Variants in PPP6R3 observed in about 807,000 individuals in gnomAD.
PPP6R3 encodes the protein serine/threonine-protein phosphatase 6 regulatory subunit 3.
In PPP6R3, 38 loss-of-function variants were observed where a neutral mutation model predicts 110.7. The ratio of observed to expected loss-of-function variants is 0.34; its 90% CI spans 0.26 to 0.45. PPP6R3 has a LOEUF of 0.45. Among genes scored for constraint, PPP6R3 ranks in the 20% least tolerant of loss-of-function variants. PPP6R3 has a pLI of 1.00. For missense variants in PPP6R3, 870 were observed against 1,062.4 expected, an observed-to-expected ratio of 0.82 and a Z score of 2.52; for synonymous variants, 369 against 373.5, an observed-to-expected ratio of 0.99 and a Z score of 0.14.
chr11:68,493,946 C>CA (rs2098999589), intron 1 of PPP6R3, among the ~76,000 whole-genome samples: 1 of 150,366 alleles, frequency 6.7e-6, no homozygotes, highest in Non-Finnish European at 1.5e-5. Flanking sequence ...ACTAAAAATA[C>CA]AAAAAAATTA....
chr11:68,568,532 A>G (rs1352170758), intron 10 of PPP6R3, among the ~76,000 whole-genome samples: 4 of 152,128 alleles, frequency 2.6e-5, no homozygotes, highest in African/African-American at 4.8e-5. Context: ...TTGTAATGCT[A>G]TTACCTTTTC....
intron 7 of PPP6R3, among the ~76,000 whole-genome samples, chr11:68,555,800 A>C (rs1194416956): frequency 6.6e-6 from 1 of 152,258 alleles, no homozygotes; most frequent in African/African-American, 2.4e-5. Flanking sequence ...AAATACATGG[A>C]CCTGATGAAT....
At chr11:68,528,250 A>G (rs543567446) in intron 2 of PPP6R3, among the ~76,000 whole-genome samples, 2 of 152,302 alleles carry the variant, frequency 1.3e-5, no homozygotes, top group South Asian at 2.1e-4. Context: ...AGCAGTTTCA[A>G]GTTGAAACTG....
chr11:68,588,132 G>A (rs1429784623), intron 16 of PPP6R3, 108 bp downstream of exon 16: 1 of 955,614 alleles, frequency 1.0e-6, no homozygotes, highest in East Asian at 2.4e-5. Flanking sequence ...TGAGTGGGAG[G>A]AACCTGCTCT....
chr11:68,468,725 G>T (rs1225618591), intron 1 of PPP6R3, among the ~76,000 whole-genome samples: 2 of 152,156 alleles, frequency 1.3e-5, no homozygotes, highest in South Asian at 2.1e-4. Flanking sequence ...TCCAAATTTG[G>T]AGTATGTTAT....
intron 10 of PPP6R3, among the ~76,000 whole-genome samples, 157 bp downstream of exon 10, chr11:68,567,323 A>G (rs1306799906): frequency 1.3e-5 from 2 of 152,208 alleles, no homozygotes; most frequent in South Asian, 4.1e-4. Flanking sequence ...AGTTTATTAT[A>G]AATTTCGAAT....
chr11:68,542,746 T>A (rs1268739959), intron 3 of PPP6R3, among the ~76,000 whole-genome samples: 1 of 152,212 alleles, frequency 6.6e-6, no homozygotes, highest in East Asian at 1.9e-4. Flanking sequence ...AGCCCCAGCC[T>A]GTCTGGAACC....
rs376684893 is a variant in PPP6R3, at chr11:68,537,791, A to C, written c.127A>C (p.Lys43Gln). 1 of 1,613,976 alleles carries C rather than the reference A, an allele frequency of 6.2e-7. No individual in the cohort carries two copies. Among genetic ancestry groups the C allele is most frequent in the African/African-American group, 1.3e-5 (1 of 74,948 alleles). The change falls in exon 3 of 24, where the codon AAA becomes CAA. Residue 43 changes from lysine (K) to glutamine (Q), a missense_variant. Coordinates refer to ENST00000393800, the MANE Select transcript of PPP6R3 (RefSeq NM_001164161.2). Reference sequence around the variant, plus strand: ...ACAGGAATGTAAAGCTCAGAACCGCAAACTTATAGAGTTTCTGTTAAAAGC... The same window carrying C: ...ACAGGAATGTAAAGCTCAGAACCGCCAACTTATAGAGTTTCTGTTAAAAGC... ...VLQECKAQNR[K>Q]LIEFLLKAEC...
chr11:68,596,963 C>T (rs2099615564), intron 19 of PPP6R3, among the ~76,000 whole-genome samples: 1 of 152,170 alleles, frequency 6.6e-6, no homozygotes, highest in Admixed American at 6.5e-5. Flanking sequence ...AGCAAACTGC[C>T]ACATGTTGCA....
chr11:68,467,236 G>C (rs967295437), intron 1 of PPP6R3, among the ~76,000 whole-genome samples: 1 of 152,206 alleles, frequency 6.6e-6, no homozygotes, highest in East Asian at 1.9e-4. Context: ...ATATAAGGAG[G>C]CTCTGATTTT....
At position 68,477,740 on chromosome 11, in the gene PPP6R3, AAATAT is replaced by A. The variant is rs1348466382; in HGVS notation, c.-158+16915_-158+16919del. 4.0e-3 allele frequency among the ~76,000 whole-genome samples: 286 copies of A among 70,628 alleles called. 4 individuals are homozygous for A. In the South Asian group the frequency reaches 0.058, roughly 14 times the overall value. The allele number at this position is 70,628 out of a possible 152,430, so 46.3% of individuals were successfully genotyped here. ...AGACATTGTCTCTTAAAAAAAAAAA[AAATAT>A]ATATATATATATATATATATATATA... On this transcript the variant is annotated intron_variant, in intron 1 of 23. Transcript: ENST00000393800.
intron 20 of PPP6R3, 77 bp downstream of exon 20, chr11:68,600,571 T>C: frequency 6.7e-7 from 1 of 1,498,610 alleles, no homozygotes; most frequent in South Asian, 1.3e-5. Flanking sequence ...TTAACGTGTG[T>C]TCTTCACCTT....
chr11:68,494,998 G>GGCTCAA (rs2099007021), intron 1 of PPP6R3, among the ~76,000 whole-genome samples: 1 of 152,224 alleles, frequency 6.6e-6, no homozygotes, highest in African/African-American at 2.4e-5. Flanking sequence ...AAATGTTTAA[G>GGCTCAA]AACTGCCTGG....
chr11:68,551,357 G>T, intron 6 of PPP6R3, 171 bp downstream of exon 6: 1 of 570,014 alleles, frequency 1.8e-6, no homozygotes, highest in Non-Finnish European at 3.0e-6. Flanking sequence ...ATTACATTTT[G>T]CCAATACTCA....
At chr11:68,524,060 G>A (rs746194444) in intron 2 of PPP6R3, among the ~76,000 whole-genome samples, 1 of 152,124 alleles carries the variant, frequency 6.6e-6, no homozygotes, top group South Asian at 2.1e-4. Flanking sequence ...TTATAAAACA[G>A]CATGTTAATC....
intron 3 of PPP6R3, among the ~76,000 whole-genome samples, chr11:68,538,464 T>C (rs1343393833): frequency 2.0e-5 from 3 of 152,222 alleles, no homozygotes; most frequent in Admixed American, 6.5e-5. Context: ...ATGTAAAGTA[T>C]TGGGGTTTCA....
At chr11:68,468,756 CTG>C (rs947976671) in intron 1 of PPP6R3, among the ~76,000 whole-genome samples, 3 of 152,144 alleles carry the variant, frequency 2.0e-5, no homozygotes, top group East Asian at 1.9e-4. Flanking sequence ...ATGTATATAA[CTG>C]TGAATATGAA....
chr11:68,559,467 A>C (rs2099410963), intron 8 of PPP6R3, among the ~76,000 whole-genome samples: 1 of 152,214 alleles, frequency 6.6e-6, no homozygotes, highest in South Asian at 2.1e-4. Context: ...TCATTCATTA[A>C]GCAAGGGATA....
chr11:68,483,953 C>G (rs1428298534), intron 1 of PPP6R3, among the ~76,000 whole-genome samples: 1 of 152,182 alleles, frequency 6.6e-6, no homozygotes, highest in Non-Finnish European at 1.5e-5. Context: ...TTGTCTTTTC[C>G]AGAATGTCAT....
Sources: allele counts gnomAD v4.1 joint callset (sites outside exome capture counted in the v4.1 genomes callset), GRCh38; gene constraint gnomAD v4.1.1; transcripts MANE v1.5; gene names NCBI Gene and HGNC (gene_info 2026-07-23, HGNC 2026-07-21).